SMARCAD1: variants seen among roughly 807,000 people sequenced by gnomAD.
SMARCAD1 encodes SWI/SNF-related matrix-associated actin-dependent regulator of chromatin subfamily A containing DEAD/H box 1.
Under a neutral mutation model 127.1 loss-of-function variants are expected in SMARCAD1, and 25 were observed. That is an observed-to-expected ratio of 0.20 (90% CI 0.14 to 0.27). SMARCAD1 has a LOEUF of 0.27. Among genes scored for constraint, SMARCAD1 ranks in the 10% least tolerant of loss-of-function variants. SMARCAD1 has a pLI of 1.00. For missense variants in SMARCAD1, 807 were observed against 1,206.0 expected (o/e 0.67, Z 4.90); for synonymous variants, 400 against 396.9 (o/e 1.01, Z -0.09).
chr4:94,252,326 A>G (rs1749398120), intron 8 of SMARCAD1, among the ~76,000 whole-genome samples: 1 of 152,184 alleles, frequency 6.6e-6, no homozygotes, highest in Non-Finnish European at 1.5e-5. Flanking sequence ...GGAATATCTG[A>G]GACATCATAC....
intron 6 of SMARCAD1, among the ~76,000 whole-genome samples, chr4:94,244,573 A>G (rs1202292763): frequency 6.6e-6 from 1 of 152,216 alleles, no homozygotes; most frequent in Non-Finnish European, 1.5e-5. Context: ...TGCCAAATGG[A>G]GATTTGAAGC....
intron 10 of SMARCAD1, among the ~76,000 whole-genome samples, chr4:94,268,826 A>C (rs1752116506): frequency 6.6e-6 from 1 of 152,230 alleles, no homozygotes; most frequent in South Asian, 2.1e-4. Context: ...CCCATAGCAT[A>C]GTCTGAAATA....
At position 94,264,703 on chromosome 4, in the gene SMARCAD1, A is replaced by G. The variant is rs10029551; in HGVS notation, c.1282-4A>G. 0.16 allele frequency: 255,807 copies of G among 1,606,846 alleles called. 22,573 individuals are homozygous for G. The highest frequency in any genetic ancestry group is 0.18 in the Non-Finnish European group (211,483 of 1,174,992). On this transcript the variant is annotated splice_polypyrimidine_tract_variant and splice_region_variant and intron_variant, in intron 9 of 23. Transcript: ENST00000354268. ...ATTCAATTATTTTTCTTTTTATGCT[A>G]TAGTTCACAAAGATGTCCAAAACTA...
At chr4:94,209,513 G>A (rs530940617) in intron 2 of SMARCAD1, among the ~76,000 whole-genome samples, 104 of 152,200 alleles carry the variant, frequency 6.8e-4, no homozygotes, top group South Asian at 1.2e-3. Flanking sequence ...ACTCTGTTTC[G>A]TAAACAGCTT....
intron 9 of SMARCAD1, among the ~76,000 whole-genome samples, chr4:94,256,038 C>G (rs1281564835): frequency 1.3e-5 from 2 of 152,128 alleles, no homozygotes; most frequent in Non-Finnish European, 2.9e-5. Flanking sequence ...TTGATGGCAT[C>G]AGTTCACCAT....
At chr4:94,235,245 T>C (rs1560526442) in intron 4 of SMARCAD1, among the ~76,000 whole-genome samples, 1 of 145,796 alleles carries the variant, frequency 6.9e-6, no homozygotes, top group African/African-American at 2.5e-5. Flanking sequence ...TTTTTTTTTT[T>C]TTTTTTTTTT....
intron 11 of SMARCAD1, among the ~76,000 whole-genome samples, chr4:94,271,973 C>A (rs1443840769): frequency 1.3e-5 from 2 of 152,154 alleles, no homozygotes; most frequent in East Asian, 3.8e-4. Flanking sequence ...TAACAAAATA[C>A]CACAGACCAA....
At chr4:94,213,402 T>G (rs1199226081) in intron 2 of SMARCAD1, among the ~76,000 whole-genome samples, 1 of 151,984 alleles carries the variant, frequency 6.6e-6, no homozygotes, top group South Asian at 2.1e-4. Flanking sequence ...CTAATATGTG[T>G]GTGGAGGGTT....
In SMARCAD1 at chr4:94,287,350, G is replaced by T. The variant is rs1227071540; in HGVS notation, c.3020-2123G>T. On this transcript the variant is annotated intron_variant, in intron 23 of 23. Transcript: ENST00000354268. ...CCTTCTTTCCATCTCTCACAGTGAGGTCCTTTTCCTCTATAAACAAAAATG... is the reference window on the plus strand; with the variant it reads ...CCTTCTTTCCATCTCTCACAGTGAGTTCCTTTTCCTCTATAAACAAAAATG... 3.3e-5 allele frequency among the ~76,000 whole-genome samples: 5 copies of T among 152,158 alleles called. No individual in the cohort carries two copies. The East Asian group carries it at 7.7e-4, about 23-fold the overall frequency.
intron 2 of SMARCAD1, chr4:94,212,970 A>G (rs895698343): frequency 8.5e-6 from 7 of 825,030 alleles, no homozygotes; most frequent in East Asian, 6.3e-5. Flanking sequence ...TCGGTGCCCA[A>G]AGTTGTCAAT....
At chr4:94,270,897 C>CT (rs571705829) in intron 11 of SMARCAD1, 79 bp downstream of exon 11, 81 of 1,310,826 alleles carry the variant, frequency 6.2e-5, no homozygotes, top group Middle Eastern at 1.8e-4. Flanking sequence ...AAACATGAAA[C>CT]TTTTTTTTGC....
At position 94,276,345 on chromosome 4, in the gene SMARCAD1, C is replaced by T; in HGVS notation, c.1815C>T (p.Asn605=). The change falls in exon 15 of 24, where the codon AAC becomes AAT. Residue 605 remains asparagine, a synonymous_variant. Transcript: ENST00000354268. ...EDYNVIVTTY[N]CAISSSDDRS... ...TTTTTTCTTTTGGTGACAGATATAA[C>T]TGTGCGATCAGCAGTTCTGATGACC... The T allele has an allele frequency of 6.2e-7, 1 of 1,614,060 alleles. No individual in the cohort carries two copies. Among genetic ancestry groups the T allele is most frequent in the Non-Finnish European group, 8.5e-7 (1 of 1,180,000 alleles).
intron 10 of SMARCAD1, among the ~76,000 whole-genome samples, chr4:94,270,246 T>C (rs1279250957): frequency 6.6e-6 from 1 of 152,096 alleles, no homozygotes; most frequent in African/African-American, 2.4e-5. Context: ...TTCAGAATTA[T>C]ACATACCACT....
At chr4:94,279,256 C>G (rs1753690148) in intron 19 of SMARCAD1, among the ~76,000 whole-genome samples, 1 of 152,184 alleles carries the variant, frequency 6.6e-6, no homozygotes, top group Non-Finnish European at 1.5e-5. Flanking sequence ...AAGCCATCCT[C>G]CTGCGTTGGC....
rs140447675 is a variant in SMARCAD1 at position 94,284,383 on chromosome 4, A to C, written c.2910-577A>C. ...AAAGTAATTTCCATCTGAACACAGA[A>C]CTGTTTGTTGTAATGTAGTTGTAAT... On this transcript the variant is annotated intron_variant, in intron 22 of 23. Transcript: ENST00000354268. Among the ~76,000 whole-genome samples, 516 of 150,816 alleles carry C rather than the reference A, an allele frequency of 3.4e-3. 4 individuals carry two copies. The highest frequency in any genetic ancestry group is 5.5e-3 in the Non-Finnish European group (374 of 67,652).
At chr4:94,256,756 G>A (rs1442517788) in intron 9 of SMARCAD1, among the ~76,000 whole-genome samples, 1 of 152,118 alleles carries the variant, frequency 6.6e-6, no homozygotes, top group African/African-American at 2.4e-5. Flanking sequence ...TCTGAATAAG[G>A]TGGCACCAGT....
intron 2 of SMARCAD1, among the ~76,000 whole-genome samples, chr4:94,209,549 G>A (rs1741857063): frequency 6.6e-6 from 1 of 152,106 alleles, no homozygotes; most frequent in African/African-American, 2.4e-5. Flanking sequence ...CTGAAAGATT[G>A]GTAACACACA....
chr4:94,221,316 T>C (rs971410250), intron 2 of SMARCAD1, among the ~76,000 whole-genome samples: 5 of 152,310 alleles, frequency 3.3e-5, no homozygotes, highest in Non-Finnish European at 7.3e-5. Flanking sequence ...AGCACAGTAT[T>C]AGGAAATAAT....
chr4:94,242,636 G>A (rs1170933590), intron 6 of SMARCAD1, among the ~76,000 whole-genome samples: 2 of 151,612 alleles, frequency 1.3e-5, no homozygotes, highest in African/African-American at 4.9e-5. Flanking sequence ...GGGTGCATTA[G>A]CTTATGCCTA....
Sources: allele counts gnomAD v4.1 joint callset (sites outside exome capture counted in the v4.1 genomes callset), GRCh38; gene constraint gnomAD v4.1.1; transcripts MANE v1.5; gene names NCBI Gene and HGNC (gene_info 2026-07-23, HGNC 2026-07-21).